The following MARCHF3 variants were observed in gnomAD, a reference collection of about 807,000 sequenced individuals.
The protein encoded by MARCHF3 is E3 ubiquitin-protein ligase MARCHF3.
MARCHF3 carries 13 observed loss-of-function variants against 24.2 expected under a neutral mutation model. The observed-to-expected ratio is 0.54, with a 90% CI of 0.35 to 0.85. The LOEUF (loss-of-function observed/expected upper bound fraction) is 0.85, where lower values mean the gene tolerates loss of function less well. Among genes scored for constraint, MARCHF3 ranks in the 40% least tolerant of loss-of-function variants. MARCHF3 has a pLI of 0.01. For synonymous variants in MARCHF3, 144 were observed against 137.3 expected, an observed-to-expected ratio of 1.05 and a Z score of -0.34; for missense variants, 276 against 325.0, an observed-to-expected ratio of 0.85 and a Z score of 1.16.
chr5:126,991,783 C>A (rs1237636056), intron 1 of MARCHF3, among the ~76,000 whole-genome samples: 1 of 152,056 alleles, frequency 6.6e-6, no homozygotes, highest in Non-Finnish European at 1.5e-5. Flanking sequence ...TTCTTCCCCC[C>A]ACTTCCATTC....
At chr5:126,975,114 A>G (rs142574321) in intron 1 of MARCHF3, among the ~76,000 whole-genome samples, 7,854 of 152,028 alleles carry the variant, frequency 0.052, 374 homozygotes, top group South Asian at 0.13. Flanking sequence ...ATGCCACCAC[A>G]CCCAGCTAAT....
intron 1 of MARCHF3, among the ~76,000 whole-genome samples, chr5:126,929,004 C>T (rs116818814): frequency 1.2e-3 from 178 of 152,236 alleles, no homozygotes; most frequent in African/African-American, 4.0e-3. Flanking sequence ...TAAATTTCCC[C>T]AATTGTCTCA....
chr5:126,915,221 C>A, intron 2 of MARCHF3, 87 bp from the exon 3 acceptor site: 1 of 1,324,212 alleles, frequency 7.6e-7, no homozygotes, highest in Non-Finnish European at 1.1e-6. Flanking sequence ...CCTTTGGGCC[C>A]TCCCCAGAGG....
At position 126,882,671 on chromosome 5, in the gene MARCHF3, T is replaced by C. The variant is rs1294573500; in HGVS notation, c.394-4277A>G. 1.3e-5 allele frequency among the ~76,000 whole-genome samples: 2 copies of C among 152,186 alleles called. 1 individual carries two copies. Among genetic ancestry groups the C allele is most frequent in the Non-Finnish European group, 2.9e-5 (2 of 68,038 alleles). Reference sequence around the variant, plus strand: ...GCTTGTTTGTGTGTCTGTCTTCCCATTCAAACTTACCTTTACATCACTGGT... The same window carrying C: ...GCTTGTTTGTGTGTCTGTCTTCCCACTCAAACTTACCTTTACATCACTGGT... On this transcript the variant is annotated intron_variant, in intron 3 of 4. Transcript: ENST00000308660.
chr5:127,014,045 G>C (rs1436284015), intron 1 of MARCHF3, among the ~76,000 whole-genome samples: 1 of 152,070 alleles, frequency 6.6e-6, no homozygotes, highest in Admixed American at 6.6e-5. Context: ...GCAAAAATAA[G>C]TAAATGGGAT....
intron 1 of MARCHF3, among the ~76,000 whole-genome samples, chr5:126,993,253 G>C (rs1490868882): frequency 6.6e-6 from 1 of 152,184 alleles, no homozygotes; most frequent in African/African-American, 2.4e-5. Context: ...GTTCCAAGGC[G>C]AGGTGTAGAG....
chr5:126,913,123 G>C (rs1754598497), intron 3 of MARCHF3, among the ~76,000 whole-genome samples: 1 of 152,170 alleles, frequency 6.6e-6, no homozygotes. Context: ...GAGATCACTG[G>C]GTGATTTGCC....
rs1447836604 is a variant in MARCHF3 at position 126,904,298 on chromosome 5, G to A, written c.393+10632C>T. ...TACGTGGGCATGTGTCTTTATAGCA[G>A]CATGATTTATAGTCCTTTGGGTATA... On this transcript the variant is annotated intron_variant, in intron 3 of 4. Transcript: ENST00000308660. Among the ~76,000 whole-genome samples, 19 of 151,038 alleles carry A rather than the reference G, an allele frequency of 1.3e-4. No individual in the cohort carries two copies. The East Asian group carries it at 3.5e-3, about 28-fold the overall frequency.
rs1754681067 is a variant in MARCHF3, at chr5:126,915,133, G to A, written c.190C>T (p.Pro64Ser). The change falls in exon 3 of 5, where the codon CCC (proline) becomes TCC (serine). Residue 64 changes from proline to serine, a missense_variant and splice_region_variant. Coordinates refer to ENST00000308660, the MANE Select transcript of MARCHF3 (RefSeq NM_178450.5). ...CTGCACATCGGCCGGTCATTGAAGGGGCTGCAAGAGAAGGAGGGGCACCTG... is the reference window on the plus strand; with the variant it reads ...CTGCACATCGGCCGGTCATTGAAGGAGCTGCAAGAGAAGGAGGGGCACCTG... ...TVVRTLATQS[P>S]FNDRPMCRIC... 1.9e-6 allele frequency: 3 copies of A among 1,613,046 alleles called. No individual in the cohort carries two copies. Among genetic ancestry groups the A allele is most frequent in the South Asian group, 1.1e-5 (1 of 91,002 alleles).
chr5:126,969,831 G>C (rs1436376574), intron 1 of MARCHF3, among the ~76,000 whole-genome samples: 1 of 152,186 alleles, frequency 6.6e-6, no homozygotes, highest in Non-Finnish European at 1.5e-5. Context: ...TAGGCTTCCA[G>C]ATGCTGCTGG....
At chr5:126,872,187 C>G (rs930522217) in intron 4 of MARCHF3, among the ~76,000 whole-genome samples, 1 of 142,536 alleles carries the variant, frequency 7.0e-6, no homozygotes, top group East Asian at 2.2e-4. Context: ...TCAAGCGATT[C>G]ACCTGCCTCA....
chr5:126,980,072 T>C (rs1182621872), intron 1 of MARCHF3, among the ~76,000 whole-genome samples: 1 of 152,088 alleles, frequency 6.6e-6, no homozygotes, highest in Middle Eastern at 3.2e-3. Context: ...TGGATCAAAC[T>C]TCTTACTGAC....
At chr5:126,873,406 AAAG>A (rs1753038310) in intron 4 of MARCHF3, among the ~76,000 whole-genome samples, 1 of 152,128 alleles carries the variant, frequency 6.6e-6, no homozygotes, top group Non-Finnish European at 1.5e-5. Context: ...GGTAACAGAA[AAAG>A]AAAAAAAAAA....
chr5:126,889,668 T>A (rs1283764142), intron 3 of MARCHF3, among the ~76,000 whole-genome samples: 1 of 152,164 alleles, frequency 6.6e-6, no homozygotes, highest in East Asian at 1.9e-4. Context: ...GTCCCTATAG[T>A]CCAATGTTTT....
chr5:126,931,310 G>T (rs918953515), intron 1 of MARCHF3, among the ~76,000 whole-genome samples: 1 of 152,188 alleles, frequency 6.6e-6, no homozygotes, highest in African/African-American at 2.4e-5. Flanking sequence ...GCAGGAAACA[G>T]CTTCCATGAC....
intron 1 of MARCHF3, among the ~76,000 whole-genome samples, chr5:126,989,308 T>C (rs1751667207): frequency 7.2e-6 from 1 of 138,130 alleles, no homozygotes; most frequent in African/African-American, 3.1e-5. Context: ...CTACTACTAG[T>C]ACTACTACTA....
At chr5:126,884,060 A>C (rs1442533943) in intron 3 of MARCHF3, among the ~76,000 whole-genome samples, 1 of 152,216 alleles carries the variant, frequency 6.6e-6, no homozygotes, top group Non-Finnish European at 1.5e-5. Context: ...GCCTTTCTTG[A>C]GATGGGTCTT....
chr5:126,899,742 G>A lies in MARCHF3; in HGVS notation c.393+15188C>T, dbSNP rs182281144. Among the ~76,000 whole-genome samples, 20 of 152,174 alleles carry A rather than the reference G, an allele frequency of 1.3e-4. 1 individual carries two copies. Among genetic ancestry groups the A allele is most frequent in the Non-Finnish European group, 2.2e-4 (15 of 68,006 alleles). Reference sequence around the variant, plus strand: ...CACTTGATCTGGCACAGCTCAGGGTGTTTTTTAAAACAGACTTTATTTTTT... The same window carrying A: ...CACTTGATCTGGCACAGCTCAGGGTATTTTTTAAAACAGACTTTATTTTTT... On this transcript the variant is annotated intron_variant, in intron 3 of 4. Transcript: ENST00000308660.
At chr5:126,967,679 G>A (rs1285164588) in intron 1 of MARCHF3, among the ~76,000 whole-genome samples, 4 of 152,154 alleles carry the variant, frequency 2.6e-5, no homozygotes, top group African/African-American at 7.2e-5. Flanking sequence ...GGTGACAAGA[G>A]CAAGACTCTG....
Sources: gnomAD v4.1 joint callset for allele counts (sites outside exome capture counted in the v4.1 genomes callset) on GRCh38, gnomAD v4.1.1 for gene constraint, MANE v1.5 for transcripts, NCBI Gene and HGNC (gene_info 2026-07-23, HGNC 2026-07-21) for gene names.